CACNA2D2: variants seen among roughly 807,000 people sequenced by gnomAD.
The protein encoded by CACNA2D2 is voltage-dependent calcium channel subunit alpha-2/delta-2.
A neutral mutation model predicts 166.4 loss-of-function variants in CACNA2D2; 48 were observed. That is an observed-to-expected ratio of 0.29 (90% confidence interval 0.23 to 0.37). CACNA2D2 has a LOEUF of 0.37. Ranked by LOEUF, CACNA2D2 falls within the 10% of genes least tolerant of loss-of-function variation. The pLI, the probability that CACNA2D2 is intolerant of heterozygous loss-of-function variation, is 1.00. For synonymous variants in CACNA2D2, 561 were observed against 573.7 expected (o/e 0.98, Z 0.32); for missense variants, 1,122 against 1,433.0 (o/e 0.78, Z 3.50).
intron 21 of CACNA2D2, 90 bp from the exon 22 acceptor site, chr3:50,374,903 C>A: frequency 9.8e-7 from 1 of 1,022,628 alleles, no homozygotes; most frequent in South Asian, 1.4e-5. Flanking sequence ...GCAGAGGCCC[C>A]AGCTGCAGCA....
At chr3:50,424,054 G>A (rs537038730) in intron 3 of CACNA2D2, among the ~76,000 whole-genome samples, 1 of 152,384 alleles carries the variant, frequency 6.6e-6, no homozygotes, top group South Asian at 2.1e-4. Context: ...GATCTGTGCG[G>A]CCATACCTGT....
intron 2 of CACNA2D2, among the ~76,000 whole-genome samples, chr3:50,439,578 G>A (rs1023310024): frequency 2.6e-5 from 4 of 152,230 alleles, no homozygotes; most frequent in Non-Finnish European, 5.9e-5. Flanking sequence ...TCACCACAGG[G>A]AGCAGCCAGG....
At chr3:50,424,566 T>C (rs1051147516) in intron 3 of CACNA2D2, among the ~76,000 whole-genome samples, 1 of 152,160 alleles carries the variant, frequency 6.6e-6, no homozygotes, top group Non-Finnish European at 1.5e-5. Context: ...CCCCATGGGC[T>C]TGCCCCATGG....
chr3:50,416,180 T>C (rs1327231721), intron 3 of CACNA2D2: 1 of 152,262 alleles, frequency 6.6e-6, no homozygotes, highest in Admixed American at 6.5e-5. Flanking sequence ...GAATGGCCCA[T>C]CTCTGAGAGC....
At chr3:50,468,683 T>C (rs2107050139) in intron 2 of CACNA2D2, among the ~76,000 whole-genome samples, 1 of 152,032 alleles carries the variant, frequency 6.6e-6, no homozygotes, top group South Asian at 2.1e-4. Flanking sequence ...GATTCCACCC[T>C]CAAGAACCCC....
intron 1 of CACNA2D2, among the ~76,000 whole-genome samples, chr3:50,480,002 A>G (rs933126642): frequency 6.6e-6 from 1 of 152,218 alleles, no homozygotes; most frequent in Non-Finnish European, 1.5e-5. Flanking sequence ...TAGGGGCTGC[A>G]GTGGCTTAAT....
At chr3:50,488,187 C>T (rs192789807) in intron 1 of CACNA2D2, among the ~76,000 whole-genome samples, 107 of 152,274 alleles carry the variant, frequency 7.0e-4, no homozygotes, top group African/African-American at 2.4e-3. Context: ...AGTGATGCCC[C>T]GTGAGCACCC....
rs933885745 is a variant in CACNA2D2 at position 50,367,163 on chromosome 3, T to C, written c.2402-54A>G. 1.5e-6 allele frequency: 2 copies of C among 1,371,662 alleles called. No individual in the cohort carries two copies. Among genetic ancestry groups the C allele is most frequent in the African/African-American group, 2.8e-5 (2 of 70,178 alleles). The allele number at this position is 1,371,662 out of a possible 1,614,324, so 85.0% of individuals were successfully genotyped here. On this transcript the variant is annotated intron_variant, in intron 27 of 37. Coordinates refer to ENST00000424201, the MANE Select transcript of CACNA2D2 (RefSeq NM_006030.4). This position sits in a 1 kb window ranked among gnomAD's most constrained non-coding sequence, Gnocchi z 6.5. Reference sequence around the variant, plus strand: ...GGGGTCTGGCGGCCACACTGACCACTCTATGCTGGGTCCTACAAACCCAGC... The same window carrying C: ...GGGGTCTGGCGGCCACACTGACCACCCTATGCTGGGTCCTACAAACCCAGC...
intron 2 of CACNA2D2, among the ~76,000 whole-genome samples, chr3:50,468,315 G>A (rs1337612786): frequency 1.3e-5 from 2 of 150,838 alleles, no homozygotes; most frequent in Admixed American, 6.6e-5. Flanking sequence ...CTGATCTCCC[G>A]CTGTCCTGCT....
At chr3:50,442,096 G>A (rs573666981) in intron 2 of CACNA2D2, among the ~76,000 whole-genome samples, 1 of 152,362 alleles carries the variant, frequency 6.6e-6, no homozygotes, top group South Asian at 2.1e-4. Context: ...GAAGCTTGCA[G>A]TCTGTGACTT....
Position 50,366,973 on chromosome 3 carries a change from C to A in CACNA2D2, c.2500+38G>T, listed in dbSNP as rs1197002669. ...GCTACCTGCCCAGGCAGTACCCTGT[C>A]CATTGCCTGTTTCCCCACCTCTGTC... On this transcript the variant is annotated intron_variant, in intron 28 of 37. Transcript: ENST00000424201. This position sits in a 1 kb window ranked among gnomAD's most constrained non-coding sequence, Gnocchi z 5.9. The A allele has an allele frequency of 6.2e-7, 1 of 1,611,866 alleles. No homozygotes were observed. The highest frequency in any genetic ancestry group is 8.5e-7 in the Non-Finnish European group (1 of 1,178,282).
rs1214610688 is a variant in CACNA2D2 at position 50,365,006 on chromosome 3, G to T, written c.3209-36C>A. The T allele has an allele frequency of 6.2e-7, 1 of 1,608,348 alleles. No individual in the cohort carries two copies. Among genetic ancestry groups the T allele is most frequent in the Non-Finnish European group, 8.5e-7 (1 of 1,177,978 alleles). On this transcript the variant is annotated intron_variant, in intron 36 of 37. Transcript: ENST00000424201. This position sits in a 1 kb window ranked among gnomAD's most constrained non-coding sequence, Gnocchi z 4.5. ...GTGGGGAGTCAAGGAGGCGGACGGCGGCGGCGGCACGGAGGGGGCGCGCGG... is the reference window on the plus strand; with the variant it reads ...GTGGGGAGTCAAGGAGGCGGACGGCTGCGGCGGCACGGAGGGGGCGCGCGG...
At chr3:50,464,725 G>A (rs1347483691) in intron 2 of CACNA2D2, among the ~76,000 whole-genome samples, 1 of 152,208 alleles carries the variant, frequency 6.6e-6, no homozygotes, top group Non-Finnish European at 1.5e-5. Flanking sequence ...CCCCTGAGTG[G>A]CTCCTCTACC....
At chr3:50,452,910 C>T (rs1709170633) in intron 2 of CACNA2D2, among the ~76,000 whole-genome samples, 1 of 152,186 alleles carries the variant, frequency 6.6e-6, no homozygotes, top group South Asian at 2.1e-4. Context: ...ACCTTGACCC[C>T]CACTAAACTC....
At chr3:50,425,321 T>G (rs1053909802) in intron 3 of CACNA2D2, among the ~76,000 whole-genome samples, 4 of 152,204 alleles carry the variant, frequency 2.6e-5, no homozygotes, top group Non-Finnish European at 4.4e-5. Context: ...GGAACTCTAC[T>G]AAGATGCCTT....
intron 1 of CACNA2D2, among the ~76,000 whole-genome samples, chr3:50,497,534 T>C (rs1323618553): frequency 6.6e-6 from 1 of 152,142 alleles, no homozygotes; most frequent in Non-Finnish European, 1.5e-5. Flanking sequence ...GGAAAAGCAC[T>C]GTGAGGGCCC....
At chr3:50,399,875 AG>A (rs1021936527) in intron 3 of CACNA2D2, among the ~76,000 whole-genome samples, 2 of 152,014 alleles carry the variant, frequency 1.3e-5, no homozygotes, top group African/African-American at 4.8e-5. Flanking sequence ...CCTAGGAGAG[AG>A]GATCAGTAAC....
chr3:50,468,370 T>TCATCAGAATA (rs1267950057), intron 2 of CACNA2D2, among the ~76,000 whole-genome samples: 1 of 137,796 alleles, frequency 7.3e-6, no homozygotes, highest in Admixed American at 7.5e-5. Context: ...ACCAGCAAGT[T>TCATCAGAATA]CATCAGAATA....
intron 2 of CACNA2D2, among the ~76,000 whole-genome samples, chr3:50,470,580 T>C (rs1302493506): frequency 1.3e-5 from 1 of 74,372 alleles, no homozygotes; most frequent in African/African-American, 5.5e-5. Context: ...AGAGTGTGTG[T>C]GTATATGGGG....
Sources: gnomAD v4.1 joint callset for allele counts (sites outside exome capture counted in the v4.1 genomes callset) on GRCh38, gnomAD v4.1.1 for gene constraint, Gnocchi (gnomAD v3.1) non-coding constraint, MANE v1.5 for transcripts, NCBI Gene and HGNC (gene_info 2026-07-23, HGNC 2026-07-21) for gene names.